Variants in NRP2 observed in about 807,000 individuals in gnomAD.
NRP2 encodes the protein neuropilin-2.
In NRP2, 52 loss-of-function variants were observed where a neutral mutation model predicts 110.4. The observed-to-expected ratio is 0.47, with a 90% CI of 0.38 to 0.59. The LOEUF is 0.59. Ranked by LOEUF, NRP2 falls within the 20% of genes least tolerant of loss-of-function variation. The pLI, the probability that NRP2 is intolerant of heterozygous loss-of-function variation, is 0.00. For synonymous variants in NRP2, 508 were observed against 468.9 expected (o/e 1.08, Z -1.08); for missense variants, 1,049 against 1,203.0 (o/e 0.87, Z 1.89).
At chr2:205,694,063 T>G (rs2056371190) in intron 1 of NRP2, among the ~76,000 whole-genome samples, 1 of 152,250 alleles carries the variant, frequency 6.6e-6, no homozygotes, top group Non-Finnish European at 1.5e-5. Flanking sequence ...GTGATTGGGT[T>G]CTGTAGGAAG....
intron 7 of NRP2, among the ~76,000 whole-genome samples, chr2:205,739,325 TAAG>T (rs1159178630): frequency 6.6e-6 from 1 of 152,224 alleles, no homozygotes; most frequent in Non-Finnish European, 1.5e-5. Flanking sequence ...GAAGTGGAGA[TAAG>T]AATATCTACC....
chr2:205,763,883 G>A lies in NRP2; in HGVS notation c.2254G>A (p.Gly752Ser), dbSNP rs146481828. 4 of 1,613,964 alleles carry A rather than the reference G, an allele frequency of 2.5e-6. No individual in the cohort carries two copies. Among genetic ancestry groups the A allele is most frequent in the African/African-American group, 2.7e-5 (2 of 74,934 alleles). ...GTGGGTCATCCGTGAGGACCAGGGC[G>A]GCGAGTGGAAGCACGGGCGGATCAT... ...LLWVIREDQG[G>S]EWKHGRIILP... The change falls in exon 13 of 17, where the codon GGC (glycine) becomes AGC (serine). Residue 752 changes from glycine to serine, a missense_variant. Physicochemically the swap from Gly to Ser is moderately conservative, Grantham distance 56. Coordinates refer to ENST00000357785, the MANE Select transcript of NRP2 (RefSeq NM_003872.3). The surrounding 1 kb of genome is among the most constrained non-coding windows in gnomAD (Gnocchi z 4.0).
intron 15 of NRP2, among the ~76,000 whole-genome samples, chr2:205,782,808 G>A (rs1172963060): frequency 6.6e-6 from 1 of 151,332 alleles, no homozygotes; most frequent in Non-Finnish European, 1.5e-5. Flanking sequence ...TGATATGCCA[G>A]AGTGTATTAA....
In NRP2 at chr2:205,794,765, G is replaced by C. The variant is rs764713039; in HGVS notation, c.2488G>C (p.Val830Leu). 12 of 1,614,046 alleles carry C rather than the reference G, an allele frequency of 7.4e-6. No individual in the cohort carries two copies. The African/African-American group carries it at 1.6e-4, about 22-fold the overall frequency. ...TTTATGTATCGCAGATGAATACGAG[G>C]TGGACTGGAGCAATTCTTCTTCTGC... ...YEDEIDDEYE[V>L]DWSNSSSATS... Residue 830 changes from valine (V) to leucine (L), a missense_variant, in exon 17 of 17, where the codon GTG becomes CTG. Physicochemically the swap from Val to Leu is conservative, Grantham distance 32. Transcript: ENST00000357785.
intron 7 of NRP2, among the ~76,000 whole-genome samples, chr2:205,730,594 G>T (rs1190503867): frequency 3.3e-5 from 5 of 152,120 alleles, no homozygotes; most frequent in Non-Finnish European, 7.4e-5. Context: ...CAGAGGGAAG[G>T]TTTGCAAATG....
At position 205,794,808 on chromosome 2, in the gene NRP2, C is replaced by T. The variant is rs2105979688; in HGVS notation, c.2531C>T (p.Ala844Val). ...TCTTCTGCAACCTCAGGGTCTGGCGCCCCCTCGACCGACAAAGAAAAGAGC... is the reference window on the plus strand; with the variant it reads ...TCTTCTGCAACCTCAGGGTCTGGCGTCCCCTCGACCGACAAAGAAAAGAGC... ...NSSSATSGSG[A>V]PSTDKEKSWL... The change falls in exon 17 of 17, where the codon GCC (alanine) becomes GTC (valine). Residue 844 changes from alanine to valine, a missense_variant. Ala to Val is a moderately conservative substitution (Grantham distance 64). Transcript: ENST00000357785. 2 of 1,614,198 alleles carry T rather than the reference C, an allele frequency of 1.2e-6. No homozygotes were observed. The highest frequency in any genetic ancestry group is 1.7e-6 in the Non-Finnish European group (2 of 1,180,030).
chr2:205,702,684 G>A (rs1013778806), intron 2 of NRP2, among the ~76,000 whole-genome samples: 2 of 152,190 alleles, frequency 1.3e-5, no homozygotes, highest in African/African-American at 4.8e-5. Flanking sequence ...CCTGATCATA[G>A]TAAACAGAGA....
chr2:205,788,534 AAAGAC>A, intron 15 of NRP2, among the ~76,000 whole-genome samples: 1 of 150,958 alleles, frequency 6.6e-6, no homozygotes, highest in East Asian at 2.0e-4. Flanking sequence ...ATGCAAGCCA[AAAGAC>A]AAGAGATCAG....
rs555170482 is a variant in NRP2, at chr2:205,686,225, C to T, written c.73+2862C>T. Among the ~76,000 whole-genome samples, 1 of 152,256 alleles carries T rather than the reference C, an allele frequency of 6.6e-6. No individual in the cohort carries two copies. Among genetic ancestry groups the T allele is most frequent in the South Asian group, 2.1e-4 (1 of 4,818 alleles). On this transcript the variant is annotated intron_variant, in intron 1 of 16. Transcript: ENST00000357785. The surrounding 1 kb of genome is among the most constrained non-coding windows in gnomAD (Gnocchi z 4.7). ...AACTACTCCATGCTTGTGCCCTCCT[C>T]CTCCTCCTCCTCCTAAGGACACCCC...
chr2:205,795,156 C>A lies in NRP2; in HGVS notation c.*98C>A. ...CTTTGGAAACTGAATGCCATAATCT[C>A]GATCAAACCGATCCAGAATACCGAA... On this transcript the variant is annotated 3_prime_UTR_variant, in exon 17 of 17. Coordinates refer to ENST00000357785, the MANE Select transcript of NRP2 (RefSeq NM_003872.3). The A allele has an allele frequency of 1.7e-6, 2 of 1,147,900 alleles. No homozygotes were observed. The highest frequency in any genetic ancestry group is 1.3e-5 in the South Asian group (1 of 75,410). The allele number at this position is 1,147,900 out of a possible 1,614,324, so 71.1% of individuals were successfully genotyped here.
chr2:205,761,909 A>G (rs1364122706), intron 12 of NRP2: 3 of 152,258 alleles, frequency 2.0e-5, no homozygotes, highest in Non-Finnish European at 2.9e-5. Flanking sequence ...GAAATATTGC[A>G]TGTAAATGTG....
chr2:205,741,272 C>T lies in NRP2; in HGVS notation c.1291+609C>T, dbSNP rs74817106. 4.1e-3 allele frequency among the ~76,000 whole-genome samples: 624 copies of T among 152,302 alleles called. 2 individuals carry two copies. The highest frequency in any genetic ancestry group is 0.015 in the African/African-American group (609 of 41,550). ...AGGCTTATGGTCCTTGGAAGTACATCGTAGGGGATTTGACCCAGCCTAGGA... is the reference window on the plus strand; with the variant it reads ...AGGCTTATGGTCCTTGGAAGTACATTGTAGGGGATTTGACCCAGCCTAGGA... On this transcript the variant is annotated intron_variant, in intron 8 of 16. Coordinates refer to ENST00000357785, the MANE Select transcript of NRP2 (RefSeq NM_003872.3).
intron 2 of NRP2, among the ~76,000 whole-genome samples, chr2:205,708,784 C>A (rs939192841): frequency 1.3e-5 from 2 of 152,000 alleles, no homozygotes. Context: ...CCATGGTGAC[C>A]CTGGTTGTGA....
At position 205,723,796 on chromosome 2, in the gene NRP2, A is replaced by G; in HGVS notation, c.676A>G (p.Ile226Val). ...TCTTGAATGTCCAGTTGGCCCCCTG[A>G]TTGGCAAGTACTGTGGGACCAAAAC... The part of the protein sequence containing the change: ...WDGIPHVGPL[I>V]GKYCGTKTPS... The change falls in exon 5 of 17, where the codon ATT becomes GTT. Residue 226 changes from isoleucine to valine, a missense_variant. Physicochemically the swap from Ile to Val is conservative, Grantham distance 29. Coordinates refer to ENST00000357785, the MANE Select transcript of NRP2 (RefSeq NM_003872.3). 6.2e-7 allele frequency: 1 copy of G among 1,614,166 alleles called. No homozygotes were observed. The highest frequency in any genetic ancestry group is 1.6e-4 in the Middle Eastern group (1 of 6,062).
At chr2:205,771,387 A>G (rs905927728) in intron 15 of NRP2, among the ~76,000 whole-genome samples, 3 of 152,210 alleles carry the variant, frequency 2.0e-5, no homozygotes, top group African/African-American at 7.2e-5. Flanking sequence ...TTAATCTCAC[A>G]AATTAAATAA....
chr2:205,686,650 G>T lies in NRP2; in HGVS notation c.73+3287G>T, dbSNP rs1322578451. On this transcript the variant is annotated intron_variant, in intron 1 of 16. Transcript: ENST00000357785. This position sits in a 1 kb window ranked among gnomAD's most constrained non-coding sequence, Gnocchi z 4.7. ...TTGGAATAGACTTGTCGCCCCTCTG[G>T]GAATCATCTGGGTTGGGGAACCTTC... Among the ~76,000 whole-genome samples the T allele has an allele frequency of 1.3e-5, 2 of 152,166 alleles. No homozygotes were observed. The highest frequency in any genetic ancestry group is 1.3e-4 in the Admixed American group (2 of 15,282).
chr2:205,728,422 C>T (rs1477459371), intron 7 of NRP2, among the ~76,000 whole-genome samples: 1 of 152,126 alleles, frequency 6.6e-6, no homozygotes, highest in Non-Finnish European at 1.5e-5. Flanking sequence ...CCACATGATA[C>T]TATAGTTCAG....
chr2:205,770,419 C>G (rs2058003042), intron 15 of NRP2, among the ~76,000 whole-genome samples: 1 of 152,114 alleles, frequency 6.6e-6, no homozygotes, highest in Non-Finnish European at 1.5e-5. Context: ...TGGCATTTGA[C>G]TCTATTCCTT....
chr2:205,786,450 A>G (rs927886128), intron 15 of NRP2, among the ~76,000 whole-genome samples: 1 of 152,204 alleles, frequency 6.6e-6, no homozygotes, highest in Non-Finnish European at 1.5e-5. Flanking sequence ...CTTATCCCAA[A>G]TAAATCACAG....
Sources: gnomAD v4.1 joint callset for allele counts (sites outside exome capture counted in the v4.1 genomes callset) on GRCh38, gnomAD v4.1.1 for gene constraint, Gnocchi (gnomAD v3.1) non-coding constraint, MANE v1.5 for transcripts, NCBI Gene and HGNC (gene_info 2026-07-23, HGNC 2026-07-21) for gene names.